NUAK1: variants seen among roughly 807,000 people sequenced by gnomAD.
NUAK1 encodes the protein NUAK family SNF1-like kinase 1.
In NUAK1, 26 loss-of-function variants were observed where a neutral mutation model predicts 56.9. That is an observed-to-expected ratio of 0.46 (90% CI 0.33 to 0.63). The LOEUF is 0.63. Ranked by LOEUF, NUAK1 falls within the 30% of genes least tolerant of loss-of-function variation. The pLI is 0.02. For synonymous variants in NUAK1, 337 were observed against 336.0 expected (o/e 1.00, Z -0.03); for missense variants, 727 against 876.1 (o/e 0.83, Z 2.15).
At chr12:106,077,489 C>T (rs1463488987) in intron 4 of NUAK1, among the ~76,000 whole-genome samples, 1 of 152,214 alleles carries the variant, frequency 6.6e-6, no homozygotes, top group African/African-American at 2.4e-5. Flanking sequence ...AGCCACTGCC[C>T]ATTAAAGAGC....
chr12:106,117,531 C>T (rs2032929695), intron 1 of NUAK1, among the ~76,000 whole-genome samples: 1 of 152,242 alleles, frequency 6.6e-6, no homozygotes, highest in Admixed American at 6.5e-5. Flanking sequence ...ATAAAATGGG[C>T]CTACTTCACT....
intron 2 of NUAK1, among the ~76,000 whole-genome samples, chr12:106,092,848 T>G (rs974578118): frequency 6.6e-6 from 1 of 152,208 alleles, no homozygotes; most frequent in Non-Finnish European, 1.5e-5. Context: ...ACCCCCTTCC[T>G]CCATCATACA....
intron 1 of NUAK1, among the ~76,000 whole-genome samples, chr12:106,126,940 A>AT (rs2136482996): frequency 6.6e-6 from 1 of 152,314 alleles, no homozygotes; most frequent in African/African-American, 2.4e-5. Flanking sequence ...CATCTAAGGA[A>AT]TGAGCAAAGA....
At position 106,138,368 on chromosome 12, in the gene NUAK1, G is replaced by C; in HGVS notation, c.240+46C>G. ...CCTCGCACGCCCTCAGTCCCCGGCC[G>C]CGTCCACCCAGCGCCCCCCGCACCC... On this transcript the variant is annotated intron_variant, in intron 1 of 6. Coordinates refer to ENST00000261402, the MANE Select transcript of NUAK1 (RefSeq NM_014840.3). This position sits in a 1 kb window ranked among gnomAD's most constrained non-coding sequence, Gnocchi z 5.0. 1 of 1,554,034 alleles carries C rather than the reference G, an allele frequency of 6.4e-7. No homozygotes were observed. Among genetic ancestry groups the C allele is most frequent in the Non-Finnish European group, 8.7e-7 (1 of 1,155,960 alleles).
In NUAK1 at chr12:106,106,386, A is replaced by G. The variant is rs1453406099; in HGVS notation, c.361+19T>C. The stretch of plus-strand genomic sequence containing the variant: ...AATGGTAACTGATATGGGGGTTAAA[A>G]AAAAAAAAAATCACTGACCTTCATA... On this transcript the variant is annotated intron_variant, in intron 2 of 6. Coordinates refer to ENST00000261402, the MANE Select transcript of NUAK1 (RefSeq NM_014840.3). 5 of 1,587,352 alleles carry G rather than the reference A, an allele frequency of 3.1e-6. No homozygotes were observed. The South Asian group carries it at 5.7e-5, about 18-fold the overall frequency.
Position 106,079,352 on chromosome 12 carries a change from A to G in NUAK1, c.579+4512T>C, listed in dbSNP as rs550896651. On this transcript the variant is annotated intron_variant, in intron 4 of 6. Coordinates refer to ENST00000261402, the MANE Select transcript of NUAK1 (RefSeq NM_014840.3). ...ACTCCTACCCATCCCTCAAAACCCA[A>G]TTCAATCCCTCTTCCTCCATGAAAG... 2.6e-5 allele frequency among the ~76,000 whole-genome samples: 4 copies of G among 152,124 alleles called. No homozygotes were observed. In the South Asian group the frequency reaches 8.3e-4, roughly 32 times the overall value.
Position 106,064,041 on chromosome 12 carries a change from G to T in NUAK1, c.*2761C>A, listed in dbSNP as rs2136452850. 1 of 152,722 alleles carries T rather than the reference G, an allele frequency of 6.5e-6. No individual in the cohort carries two copies. The highest frequency in any genetic ancestry group is 1.5e-5 in the Non-Finnish European group (1 of 68,036). 9.5% of individuals were successfully genotyped at this position (152,722 alleles called of 1,614,324 possible). On this transcript the variant is annotated 3_prime_UTR_variant, in exon 7 of 7. Transcript: ENST00000261402. ...TTTGGCAGATGTGTAAACTAAGACG[G>T]TGCAAGGCCCACAGAAGTAAGGAGA...
chr12:106,128,958 G>GA (rs749467384), intron 1 of NUAK1, among the ~76,000 whole-genome samples: 1 of 152,190 alleles, frequency 6.6e-6, no homozygotes, highest in Non-Finnish European at 1.5e-5. Flanking sequence ...TTACAACCCA[G>GA]AAAAAAATGT....
intron 4 of NUAK1, 31 bp downstream of exon 4, chr12:106,083,833 T>C (rs1257975440): frequency 1.2e-6 from 2 of 1,603,244 alleles, no homozygotes; most frequent in Non-Finnish European, 1.7e-6. Flanking sequence ...ACCCAGGCCC[T>C]GCATATCAAT....
intron 1 of NUAK1, among the ~76,000 whole-genome samples, chr12:106,127,160 T>G (rs1356999596): frequency 6.6e-6 from 1 of 152,076 alleles, no homozygotes; most frequent in Non-Finnish European, 1.5e-5. Flanking sequence ...GGATGAGCAT[T>G]TTCTTTTTAT....
At chr12:106,090,722 C>T (rs772122981) in intron 2 of NUAK1, among the ~76,000 whole-genome samples, 1 of 152,202 alleles carries the variant, frequency 6.6e-6, no homozygotes, top group Non-Finnish European at 1.5e-5. Flanking sequence ...CTATCGCCCT[C>T]AGCACGGTGC....
chr12:106,095,740 G>T (rs1336801881), intron 2 of NUAK1, among the ~76,000 whole-genome samples: 1 of 152,222 alleles, frequency 6.6e-6, no homozygotes, highest in Non-Finnish European at 1.5e-5. Context: ...GGTTGGAGGT[G>T]AAGGAATGGC....
intron 1 of NUAK1, among the ~76,000 whole-genome samples, chr12:106,132,599 C>T (rs894198173): frequency 6.6e-6 from 1 of 152,186 alleles, no homozygotes; most frequent in Non-Finnish European, 1.5e-5. Flanking sequence ...CTAGGGACTC[C>T]AGGGTCTGAG....
chr12:106,081,406 T>C (rs1391818178), intron 4 of NUAK1, among the ~76,000 whole-genome samples: 2 of 152,248 alleles, frequency 1.3e-5, no homozygotes, highest in African/African-American at 4.8e-5. Flanking sequence ...CTGGTTTCTC[T>C]TTGGGACGTA....
intron 5 of NUAK1, among the ~76,000 whole-genome samples, 184 bp downstream of exon 5, chr12:106,072,540 T>C (rs1470821091): frequency 1.3e-5 from 2 of 152,252 alleles, no homozygotes; most frequent in African/African-American, 4.8e-5. Flanking sequence ...TAGGCTTTTC[T>C]GGGTTTCCCA....
chr12:106,097,929 G>T (rs181525259), intron 2 of NUAK1, among the ~76,000 whole-genome samples: 27 of 152,332 alleles, frequency 1.8e-4, no homozygotes, highest in African/African-American at 5.1e-4. Flanking sequence ...CAGGGGCACA[G>T]GATGGAGCAG....
At chr12:106,089,332 C>T (rs576416755) in intron 2 of NUAK1, among the ~76,000 whole-genome samples, 17 of 152,356 alleles carry the variant, frequency 1.1e-4, no homozygotes, top group African/African-American at 3.1e-4. Flanking sequence ...CCACTTGCCT[C>T]ACACAGACAG....
intron 1 of NUAK1, among the ~76,000 whole-genome samples, chr12:106,108,753 G>C (rs958497201): frequency 1.3e-5 from 2 of 152,166 alleles, no homozygotes; most frequent in Non-Finnish European, 2.9e-5. Context: ...AGTTACAATA[G>C]GCATAAATTC....
intron 1 of NUAK1, among the ~76,000 whole-genome samples, chr12:106,108,236 A>T (rs1204527642): frequency 6.6e-6 from 1 of 151,810 alleles, no homozygotes; most frequent in Non-Finnish European, 1.5e-5. Flanking sequence ...AATAGTAAGA[A>T]GATTAAGAAT....
Sources: gnomAD v4.1 joint callset for allele counts (sites outside exome capture counted in the v4.1 genomes callset) on GRCh38, gnomAD v4.1.1 for gene constraint, Gnocchi (gnomAD v3.1) non-coding constraint, MANE v1.5 for transcripts, NCBI Gene and HGNC (gene_info 2026-07-23, HGNC 2026-07-21) for gene names.